DPP6: variants seen among roughly 807,000 people sequenced by gnomAD.
DPP6 encodes the protein dipeptidyl peptidase like 6, also known as A-type potassium channel modulatory protein DPP6.
In DPP6, 69 loss-of-function variants were observed where a neutral mutation model predicts 122.6. The observed-to-expected ratio is 0.56, with a 90% CI of 0.46 to 0.69. DPP6 has a LOEUF of 0.69. Ranked by LOEUF, DPP6 falls within the 30% of genes least tolerant of loss-of-function variation. The pLI is 0.00. For missense variants in DPP6, 928 were observed against 1,116.9 expected (o/e 0.83, Z 2.41); for synonymous variants, 418 against 433.1 (o/e 0.97, Z 0.43).
rs1466176581 is a variant in DPP6 at position 154,060,842 on chromosome 7, G to C, written c.243+7779G>C. Among the ~76,000 whole-genome samples, 60 of 102,066 alleles carry C rather than the reference G, an allele frequency of 5.9e-4. 2 individuals are homozygous for C. Among genetic ancestry groups the C allele is most frequent in the African/African-American group, 2.1e-3 (44 of 21,086 alleles). 67.0% of individuals were successfully genotyped at this position (102,066 alleles called of 152,430 possible). On this transcript the variant is annotated intron_variant, in intron 1 of 25. Coordinates refer to ENST00000377770, the MANE Select transcript of DPP6 (RefSeq NM_130797.4). The stretch of plus-strand genomic sequence containing the variant: ...AGGCAGGGACTGAGAGCCAGCCCCT[G>C]TTCCCCCACTGGCTCTTAGGACCCA...
At chr7:153,809,860 T>C in the DPP6 span, among the ~76,000 whole-genome samples, 4 of 138,166 alleles carry the variant, frequency 2.9e-5, 1 homozygote, top group East Asian at 4.1e-4. Context: ...GTCACATGAG[T>C]TAATTGATGT....
chr7:154,120,402 G>A (rs1208580121), intron 1 of DPP6, among the ~76,000 whole-genome samples: 2 of 151,960 alleles, frequency 1.3e-5, no homozygotes, highest in East Asian at 1.9e-4. Flanking sequence ...CCGCCACCAT[G>A]CCCAGCTAAT....
chr7:153,887,320 C>T (rs1302131864), exon 1 of DPP6: 2 of 176,462 alleles, frequency 1.1e-5, no homozygotes, highest in African/African-American at 2.4e-5. Flanking sequence ...GCGCCGAGCT[C>T]GGTGGACACG....
At chr7:154,189,417 T>C (rs1475882624) in intron 1 of DPP6, among the ~76,000 whole-genome samples, 1 of 152,240 alleles carries the variant, frequency 6.6e-6, no homozygotes, top group African/African-American at 2.4e-5. Context: ...ATACTGTTTA[T>C]ACAGCAGCTA....
rs1332262126 is a variant in DPP6, at chr7:154,241,777, C to T, written c.243+188714C>T. 6.6e-6 allele frequency among the ~76,000 whole-genome samples: 1 copy of T among 152,128 alleles called. No individual in the cohort carries two copies. Among genetic ancestry groups the T allele is most frequent in the African/African-American group, 2.4e-5 (1 of 41,424 alleles). On this transcript the variant is annotated intron_variant, in intron 1 of 25. Transcript: ENST00000377770. The surrounding 1 kb of genome is among the most constrained non-coding windows in gnomAD (Gnocchi z 9.0). ...GTTTTAAGTTTAAAAAGATTGTCTGCCGACCGAAAAAGTTTATGTCAAAAC... is the reference window on the plus strand; with the variant it reads ...GTTTTAAGTTTAAAAAGATTGTCTGTCGACCGAAAAAGTTTATGTCAAAAC...
intron 1 of DPP6, among the ~76,000 whole-genome samples, chr7:154,424,192 T>C (rs12111686): frequency 0.028 from 4,255 of 152,324 alleles, 184 homozygotes; most frequent in African/African-American, 0.097. Context: ...CAGATATTTG[T>C]TGCAGATTAG....
intron 6 of DPP6, among the ~76,000 whole-genome samples, chr7:154,640,028 G>C (rs1183759100): frequency 6.6e-6 from 1 of 152,184 alleles, no homozygotes; most frequent in Non-Finnish European, 1.5e-5. Context: ...AAGGTGGGCA[G>C]ATCACTTGAG....
intron 1 of DPP6, among the ~76,000 whole-genome samples, chr7:153,994,205 A>G (rs1217585519): frequency 6.6e-6 from 1 of 151,696 alleles, no homozygotes; most frequent in Non-Finnish European, 1.5e-5. Flanking sequence ...TCTCCAAAGA[A>G]CAAAGCTACA....
chr7:154,264,842 T>C (rs1451076807), intron 1 of DPP6, among the ~76,000 whole-genome samples: 6 of 150,436 alleles, frequency 4.0e-5, no homozygotes, highest in Non-Finnish European at 8.9e-5. Context: ...GATGATGGTG[T>C]TAATGATGAT....
Position 154,875,569 on chromosome 7 carries a change from T to C in DPP6, c.1884-337T>C, listed in dbSNP as rs1477142739. On this transcript the variant is annotated intron_variant, in intron 19 of 25. Coordinates refer to ENST00000377770, the MANE Select transcript of DPP6 (RefSeq NM_130797.4). This position sits in a 1 kb window ranked among gnomAD's most constrained non-coding sequence, Gnocchi z 4.5. ...AGGAAAGAGAAACCTTCTTGCCGTG[T>C]AGGGAAGGTCCCCGCAGGGAGAAGG... Among the ~76,000 whole-genome samples, 1 of 152,174 alleles carries C rather than the reference T, an allele frequency of 6.6e-6. No individual in the cohort carries two copies. Among genetic ancestry groups the C allele is most frequent in the Non-Finnish European group, 1.5e-5 (1 of 68,026 alleles).
intron 1 of DPP6, among the ~76,000 whole-genome samples, chr7:154,445,885 T>G (rs1398909686): frequency 6.6e-6 from 1 of 152,106 alleles, no homozygotes; most frequent in Non-Finnish European, 1.5e-5. Context: ...GAAGGAAAGC[T>G]CCAAGATGAC....
At chr7:154,127,652 G>GACACACACACACACACACAC (rs66703506) in intron 1 of DPP6, among the ~76,000 whole-genome samples, 1 of 79,106 alleles carries the variant, frequency 1.3e-5, no homozygotes, top group African/African-American at 3.4e-5. Context: ...CACACACACA[G>GACACACACACACACACACAC]ACACACACAC....
At chr7:154,260,982 G>A (rs377515343) in intron 1 of DPP6, among the ~76,000 whole-genome samples, 2 of 151,840 alleles carry the variant, frequency 1.3e-5, no homozygotes, top group Non-Finnish European at 2.9e-5. Flanking sequence ...CGTAATCTCC[G>A]CCTCCTGGGT....
At chr7:153,849,780 T>C in the DPP6 span, among the ~76,000 whole-genome samples, 1 of 152,202 alleles carries the variant, frequency 6.6e-6, no homozygotes, top group Non-Finnish European at 1.5e-5. Flanking sequence ...TATTCCACTT[T>C]GTTTCATATA....
intron 1 of DPP6, among the ~76,000 whole-genome samples, chr7:153,985,708 C>T (rs554080904): frequency 6.6e-6 from 1 of 152,212 alleles, no homozygotes; most frequent in African/African-American, 2.4e-5. Context: ...AGCAGAATAA[C>T]AGAGAGAAAA....
At chr7:154,572,657 C>T (rs1831199994) in intron 5 of DPP6, among the ~76,000 whole-genome samples, 1 of 147,898 alleles carries the variant, frequency 6.8e-6, no homozygotes, top group African/African-American at 2.5e-5. Flanking sequence ...GCTAGCATTA[C>T]AGGCACCCGC....
At chr7:154,304,454 C>CA (rs1347955562) in intron 1 of DPP6, among the ~76,000 whole-genome samples, 1 of 152,214 alleles carries the variant, frequency 6.6e-6, no homozygotes, top group Non-Finnish European at 1.5e-5. Context: ...TGGCCTCAGG[C>CA]AGGGAGTGCT....
intron 5 of DPP6, among the ~76,000 whole-genome samples, chr7:154,606,326 C>T (rs1220453016): frequency 8.3e-6 from 1 of 120,758 alleles, no homozygotes; most frequent in Non-Finnish European, 1.9e-5. Context: ...GTAATCACTT[C>T]CTGATCAATT....
chr7:154,553,624 T>C (rs967491649), intron 4 of DPP6, among the ~76,000 whole-genome samples: 1 of 152,162 alleles, frequency 6.6e-6, no homozygotes, highest in Admixed American at 6.5e-5. Flanking sequence ...ACACAGCTGA[T>C]AGCTGATAGT....
Sources: gnomAD v4.1 joint callset for allele counts (sites outside exome capture counted in the v4.1 genomes callset) on GRCh38, gnomAD v4.1.1 for gene constraint, Gnocchi (gnomAD v3.1) non-coding constraint, MANE v1.5 for transcripts, NCBI Gene and HGNC (gene_info 2026-07-23, HGNC 2026-07-21) for gene names.